HSPA12A: variants seen among roughly 807,000 people sequenced by gnomAD.
The protein encoded by HSPA12A is heat shock protein family A (Hsp70) member 12A.
Under a neutral mutation model 69.2 loss-of-function variants are expected in HSPA12A, and 28 were observed. That is an observed-to-expected ratio of 0.40 (90% CI 0.30 to 0.55). HSPA12A has a LOEUF of 0.55. Ranked by LOEUF, HSPA12A falls within the 20% of genes least tolerant of loss-of-function variation. The probability of loss-of-function intolerance (pLI) is 0.38; values close to 1 mark genes in which losing one functional copy is unlikely to be tolerated. For synonymous variants in HSPA12A, 345 were observed against 370.5 expected (o/e 0.93, Z 0.79); for missense variants, 686 against 900.7 (o/e 0.76, Z 3.05).
intron 2 of HSPA12A, among the ~76,000 whole-genome samples, chr10:116,813,717 C>A (rs1323958555): frequency 1.3e-5 from 2 of 150,538 alleles, no homozygotes; most frequent in East Asian, 2.0e-4. Flanking sequence ...TCCCTCTCTA[C>A]AAAAAAAAAT....
Position 116,674,992 on chromosome 10 carries a change from T to C in HSPA12A, c.1817A>G (p.Glu606Gly). ...AGTGATGAAGCTGACGTTGTCGTGC[T>C]CAGAGCTGTAGATGTTGATGACAAT... is the stretch of plus-strand genomic sequence containing the variant. ...LVIVINIYSS[E>G]HDNVSFITDP... The change falls in exon 12 of 12, where the codon GAG becomes GGG. Residue 606 changes from glutamate to glycine, a missense_variant. Coordinates refer to ENST00000369209, the MANE Select transcript of HSPA12A (RefSeq NM_025015.3). 6.2e-7 allele frequency: 1 copy of C among 1,614,134 alleles called. No homozygotes were observed. Among genetic ancestry groups the C allele is most frequent in the Non-Finnish European group, 8.5e-7 (1 of 1,180,030 alleles).
chr10:116,816,316 T>C (rs1441794782), intron 2 of HSPA12A, among the ~76,000 whole-genome samples: 1 of 152,238 alleles, frequency 6.6e-6, no homozygotes, highest in Admixed American at 6.5e-5. Flanking sequence ...TTCTTCCTGC[T>C]CAGCTGCCAT....
intron 2 of HSPA12A, among the ~76,000 whole-genome samples, chr10:116,779,391 G>A (rs868961879): frequency 1.3e-5 from 2 of 152,180 alleles, no homozygotes; most frequent in African/African-American, 4.8e-5. Flanking sequence ...TGACACGGTT[G>A]GGGAGATGAG....
intron 2 of HSPA12A, among the ~76,000 whole-genome samples, chr10:116,795,715 T>C (rs1315092358): frequency 6.9e-6 from 1 of 144,658 alleles, no homozygotes; most frequent in Non-Finnish European, 1.5e-5. Context: ...TTATAGTAAA[T>C]AAAATTACTT....
intron 1 of HSPA12A, among the ~76,000 whole-genome samples, chr10:116,718,470 T>G (rs1183043751): frequency 3.3e-5 from 5 of 152,082 alleles, no homozygotes; most frequent in Admixed American, 3.3e-4. Context: ...GCACAAACCT[T>G]CCACTCTCTG....
intron 1 of HSPA12A, among the ~76,000 whole-genome samples, chr10:116,735,618 G>C (rs985012257): frequency 5.9e-5 from 9 of 152,290 alleles, no homozygotes; most frequent in African/African-American, 2.2e-4. Flanking sequence ...AGCCATCAGA[G>C]TGTTGCAGTC....
At chr10:116,828,611 C>T (rs1237039987) in intron 2 of HSPA12A, among the ~76,000 whole-genome samples, 2 of 152,074 alleles carry the variant, frequency 1.3e-5, no homozygotes, top group Admixed American at 1.3e-4. Flanking sequence ...TTTGCTGGGC[C>T]CAGCATGAAA....
At chr10:116,706,653 C>G (rs1219901816) in intron 2 of HSPA12A, among the ~76,000 whole-genome samples, 2 of 152,180 alleles carry the variant, frequency 1.3e-5, no homozygotes, top group Non-Finnish European at 2.9e-5. Context: ...CCCTAACATC[C>G]ATCTTTCCTC....
At chr10:116,788,944 C>A (rs1405796771) in intron 2 of HSPA12A, among the ~76,000 whole-genome samples, 1 of 150,516 alleles carries the variant, frequency 6.6e-6, no homozygotes, top group Non-Finnish European at 1.5e-5. Context: ...CAGCTCACTG[C>A]AACCTCTACC....
intron 2 of HSPA12A, among the ~76,000 whole-genome samples, chr10:116,778,618 A>G (rs1038137597): frequency 6.6e-6 from 1 of 152,196 alleles, no homozygotes; most frequent in East Asian, 1.9e-4. Flanking sequence ...CAGAAAGTCC[A>G]GGCTGGGCAT....
rs1849254341 is a variant in HSPA12A at position 116,676,896 on chromosome 10, A to G, written c.1287-394T>C. ...ATTGTACTGCTACTTACGGCTACAC[A>G]TGTGTGCGCTCAGGTGCATGTCCTC... is the stretch of plus-strand genomic sequence containing the variant. On this transcript the variant is annotated intron_variant, in intron 10 of 11. Coordinates refer to ENST00000369209, the MANE Select transcript of HSPA12A (RefSeq NM_025015.3). Among the ~76,000 whole-genome samples the G allele has an allele frequency of 2.6e-5, 4 of 152,324 alleles. No individual in the cohort carries two copies. In the South Asian group the frequency reaches 8.3e-4, roughly 32 times the overall value.
chr10:116,849,436 A>G (rs1589741921), intron 1 of HSPA12A: 1 of 1,280,542 alleles, frequency 7.8e-7, no homozygotes, highest in African/African-American at 1.5e-5. Context: ...AACGACTTTT[A>G]CCGCAGGAAG....
intron 1 of HSPA12A, among the ~76,000 whole-genome samples, chr10:116,715,878 G>A (rs1850586122): frequency 6.6e-6 from 1 of 152,198 alleles, no homozygotes; most frequent in African/African-American, 2.4e-5. Flanking sequence ...TTGGACCTGG[G>A]TCTCAGGGTG....
intron 5 of HSPA12A, among the ~76,000 whole-genome samples, chr10:116,696,243 C>A (rs188338307): frequency 6.6e-6 from 1 of 152,220 alleles, no homozygotes; most frequent in African/African-American, 2.4e-5. Flanking sequence ...CACAGTGGCA[C>A]AAAATAGACT....
chr10:116,729,817 T>C (rs1200537793), intron 1 of HSPA12A, among the ~76,000 whole-genome samples: 1 of 152,334 alleles, frequency 6.6e-6, no homozygotes, highest in Middle Eastern at 3.4e-3. Context: ...AGTCTTACCT[T>C]ATGTAACTTA....
intron 2 of HSPA12A, among the ~76,000 whole-genome samples, chr10:116,816,117 C>T (rs987486876): frequency 5.3e-5 from 8 of 152,126 alleles, no homozygotes; most frequent in African/African-American, 1.4e-4. Flanking sequence ...GCATGCTGGC[C>T]GCAGAGAGGA....
chr10:116,711,276 C>T (rs938440393), intron 1 of HSPA12A, among the ~76,000 whole-genome samples: 1 of 152,150 alleles, frequency 6.6e-6, no homozygotes, highest in African/African-American at 2.4e-5. Flanking sequence ...CCAGTTCAGT[C>T]CCCACAGGTT....
chr10:116,700,941 A>C lies in HSPA12A; in HGVS notation c.441+2T>G. On this transcript the variant is annotated splice_donor_variant, in intron 4 of 11. Transcript: ENST00000369209. LOFTEE classifies it high-confidence loss of function. ...CTGGGCCCAGGGGAGAGGCTTGCTC[A>C]CCCCAGTGGTGTGCAGCTTCATCTT... 1 of 1,610,870 alleles carries C rather than the reference A, an allele frequency of 6.2e-7. No individual in the cohort carries two copies. The highest frequency in any genetic ancestry group is 8.5e-7 in the Non-Finnish European group (1 of 1,178,492).
chr10:116,676,549 G>C, intron 10 of HSPA12A, 47 bp from the exon 11 acceptor site: 1 of 1,421,964 alleles, frequency 7.0e-7, no homozygotes, highest in Non-Finnish European at 9.9e-7. Flanking sequence ...GGGTCTACAC[G>C]ATACCCAGGC....
Sources: gnomAD v4.1 joint callset for allele counts (sites outside exome capture counted in the v4.1 genomes callset) on GRCh38, gnomAD v4.1.1 for gene constraint, MANE v1.5 for transcripts, NCBI Gene and HGNC (gene_info 2026-07-23, HGNC 2026-07-21) for gene names.